Variants in CNTRL observed in about 807,000 individuals in gnomAD.
The protein encoded by CNTRL is centriolin, also known as 110 kDa centrosomal protein.
Under a neutral mutation model 303.7 loss-of-function variants are expected in CNTRL, and 233 were observed. The ratio of observed to expected loss-of-function variants is 0.77; its 90% CI spans 0.69 to 0.86. The LOEUF is 0.86. CNTRL is among the 40% of genes least tolerant of loss of function. The pLI, the probability that CNTRL is intolerant of heterozygous loss-of-function variation, is 0.00. For synonymous variants in CNTRL, 900 were observed against 922.2 expected (o/e 0.98, Z 0.44); for missense variants, 2,524 against 2,650.6 (o/e 0.95, Z 1.05).
At chr9:121,159,504 C>T (rs180848971) in intron 31 of CNTRL, among the ~76,000 whole-genome samples, 4 of 152,118 alleles carry the variant, frequency 2.6e-5, no homozygotes, top group South Asian at 2.1e-4. Flanking sequence ...TGGTGGCATG[C>T]GCCTGTAATC....
chr9:121,142,308 G>A (rs2051563849), intron 19 of CNTRL, 38 bp downstream of exon 19: 1 of 1,554,790 alleles, frequency 6.4e-7, no homozygotes, highest in Non-Finnish European at 8.7e-7. Context: ...ATAAGTACCT[G>A]CTGCCAGTGT....
At chr9:121,109,751 A>G (rs991853530) in intron 8 of CNTRL, among the ~76,000 whole-genome samples, 2 of 152,190 alleles carry the variant, frequency 1.3e-5, no homozygotes, top group African/African-American at 2.4e-5. Flanking sequence ...GAAAATACCC[A>G]ATTTCCAACT....
chr9:121,139,616 G>A (rs1476112499), intron 16 of CNTRL, among the ~76,000 whole-genome samples: 3 of 152,078 alleles, frequency 2.0e-5, no homozygotes, highest in Non-Finnish European at 4.4e-5. Flanking sequence ...ACTATGTGAG[G>A]TGTGTGTGTA....
chr9:121,104,182 A>G (rs2049331426), intron 7 of CNTRL, among the ~76,000 whole-genome samples: 1 of 152,264 alleles, frequency 6.6e-6, no homozygotes, highest in Non-Finnish European at 1.5e-5. Flanking sequence ...ACACCATGGA[A>G]TACTATGCAG....
intron 2 of CNTRL, among the ~76,000 whole-genome samples, chr9:121,081,940 A>T (rs1172071481): frequency 6.6e-6 from 1 of 152,190 alleles, no homozygotes; most frequent in African/African-American, 2.4e-5. Flanking sequence ...CTTTCTGGTG[A>T]CTGGCCCCCA....
chr9:121,148,077 CAA>C (rs913942303), intron 23 of CNTRL, among the ~76,000 whole-genome samples: 1 of 152,070 alleles, frequency 6.6e-6, no homozygotes, highest in African/African-American at 2.4e-5. Flanking sequence ...AAAAACAAAA[CAA>C]AACAAAAAAC....
chr9:121,099,075 C>T (rs746614256), intron 7 of CNTRL, among the ~76,000 whole-genome samples: 1 of 152,090 alleles, frequency 6.6e-6, no homozygotes, highest in South Asian at 2.1e-4. Flanking sequence ...AGTGGTTCTC[C>T]CAGCACGGAG....
intron 4 of CNTRL, among the ~76,000 whole-genome samples, chr9:121,091,333 A>ACTAAATGAAAACAAAG (rs1219708796): frequency 6.6e-6 from 1 of 152,216 alleles, no homozygotes; most frequent in Non-Finnish European, 1.5e-5. Context: ...AGGGTGAAGA[A>ACTAAATGAAAACAAAG]CTAAATGAAA....
Position 121,140,721 on chromosome 9 carries a change from A to G in CNTRL, c.2418A>G (p.Pro806=), listed in dbSNP as rs1298453295. The G allele has an allele frequency of 1.2e-6, 2 of 1,613,724 alleles. No individual in the cohort carries two copies. Among genetic ancestry groups the G allele is most frequent in the African/African-American group, 1.3e-5 (1 of 75,036 alleles). Residue 806 remains proline (P), a synonymous_variant, in exon 17 of 44, where the codon CCA becomes CCG. Coordinates refer to ENST00000373855, the MANE Select transcript of CNTRL (RefSeq NM_007018.6). ...ATGTGGTTGATGGTTTGGTTCGTCC[A>G]GAAGAAGTGGCAGCTCGTGTGGATG... ...LNHVVDGLVR[P]EEVAARVDEL... is the part of the protein sequence containing the mutation.
chr9:121,161,317 A>G (rs969182177), intron 32 of CNTRL: 5 of 424,532 alleles, frequency 1.2e-5, no homozygotes, highest in African/African-American at 1.0e-4. Flanking sequence ...CTATGATCAG[A>G]AAAAAAGTTA....
At position 121,141,577 on chromosome 9, in the gene CNTRL, C is replaced by T; in HGVS notation, c.2680C>T (p.Leu894=). Residue 894 remains leucine (L), a synonymous_variant, in exon 18 of 44, where the codon CTG becomes TTG. Coordinates refer to ENST00000373855, the MANE Select transcript of CNTRL (RefSeq NM_007018.6). Reference sequence around the variant, plus strand: ...GTTCAGGCAGGCCTGTGAGAGAGCCCTGGAAGCAAGAGTAAGACAAGGGCA... The same window carrying T: ...GTTCAGGCAGGCCTGTGAGAGAGCCTTGGAAGCAAGAGTAAGACAAGGGCA... The part of the protein sequence containing the change: ...EEFRQACERA[L]EARMNFDKRQ... 6.2e-7 allele frequency: 1 copy of T among 1,613,954 alleles called. No homozygotes were observed. Among genetic ancestry groups the T allele is most frequent in the South Asian group, 1.1e-5 (1 of 91,088 alleles).
Position 121,113,722 on chromosome 9 carries a change from C to T in CNTRL, c.1343C>T (p.Ala448Val), listed in dbSNP as rs2049854003. 2 of 1,506,486 alleles carry T rather than the reference C, an allele frequency of 1.3e-6. No homozygotes were observed. The highest frequency in any genetic ancestry group is 2.4e-5 in the Admixed American group (1 of 40,820). 93.3% of individuals were successfully genotyped at this position (1,506,486 alleles called of 1,614,324 possible). Residue 448 changes from alanine to valine, a missense_variant and splice_region_variant, in exon 10 of 44, where the codon GCA becomes GTA. Transcript: ENST00000373855. ...QLEDKEKKIS[A>V]AQTRLSELHD... is the part of the protein sequence containing the mutation. ...GAAGACAAAGAAAAAAAAATAAGTG[C>T]AGGTTAAAAAAAGTTATTTTAAATT...
intron 8 of CNTRL, 91 bp downstream of exon 8, chr9:121,108,086 A>C (rs960444875): frequency 1.3e-6 from 1 of 773,994 alleles, no homozygotes. Flanking sequence ...TCCTGACCAT[A>C]TAATGGGGAA....
Position 121,148,785 on chromosome 9 carries a change from T to A in CNTRL, c.3573T>A (p.Ser1191Arg), listed in dbSNP as rs922845746. Residue 1191 changes from serine to arginine, a missense_variant, in exon 24 of 44, where the codon AGT (serine) becomes AGA (arginine). Transcript: ENST00000373855. ...RPGQQDGKEG[S>R]QPPPASGYWV... is the part of the protein sequence containing the mutation. ...GGCAGCAGGATGGGAAGGAAGGCAGTCAACCTCCCCCTGCCTCAGGATACT... is the reference window on the plus strand; with the variant it reads ...GGCAGCAGGATGGGAAGGAAGGCAGACAACCTCCCCCTGCCTCAGGATACT... 1 of 1,614,070 alleles carries A rather than the reference T, an allele frequency of 6.2e-7. No homozygotes were observed. The highest frequency in any genetic ancestry group is 1.7e-5 in the Admixed American group (1 of 60,016).
At chr9:121,118,954 G>A (rs2050101243) in intron 12 of CNTRL, among the ~76,000 whole-genome samples, 1 of 152,314 alleles carries the variant, frequency 6.6e-6, no homozygotes, top group East Asian at 1.9e-4. Context: ...TTGAGCATCA[G>A]TGGATCTTGG....
intron 40 of CNTRL, among the ~76,000 whole-genome samples, chr9:121,172,148 C>A (rs950880014): frequency 5.9e-5 from 9 of 152,112 alleles, no homozygotes; most frequent in Admixed American, 1.3e-4. Flanking sequence ...CCCTGATGCC[C>A]CACATATACC....
intron 1 of CNTRL, among the ~76,000 whole-genome samples, chr9:121,076,063 T>C (rs570926248): frequency 1.3e-5 from 2 of 152,368 alleles, no homozygotes; most frequent in African/African-American, 2.4e-5. Context: ...CAAATATTTA[T>C]TGTTTATAGA....
At chr9:121,112,926 C>T (rs774069006) in intron 9 of CNTRL, among the ~76,000 whole-genome samples, 1 of 152,118 alleles carries the variant, frequency 6.6e-6, no homozygotes, top group Non-Finnish European at 1.5e-5. Flanking sequence ...GAATAGTCAT[C>T]CCCTTACATG....
At chr9:121,098,610 G>A in intron 7 of CNTRL, 38 bp downstream of exon 7, 1 of 1,335,888 alleles carries the variant, frequency 7.5e-7, no homozygotes, top group East Asian at 2.5e-5. Flanking sequence ...TTTGGGTGAG[G>A]GAGGAATTTA....
Sources: gnomAD v4.1 joint callset for allele counts (sites outside exome capture counted in the v4.1 genomes callset) on GRCh38, gnomAD v4.1.1 for gene constraint, MANE v1.5 for transcripts, NCBI Gene and HGNC (gene_info 2026-07-23, HGNC 2026-07-21) for gene names.